PSEN2: variants seen among roughly 807,000 people sequenced by gnomAD.
PSEN2 encodes presenilin-2.
A neutral mutation model predicts 49.1 loss-of-function variants in PSEN2; 32 were observed. The observed-to-expected ratio is 0.65, with a 90% CI of 0.49 to 0.88. The LOEUF (loss-of-function observed/expected upper bound fraction) is 0.88. Among genes scored for constraint, PSEN2 ranks in the 40% least tolerant of loss-of-function variants. The pLI, the probability that PSEN2 is intolerant of heterozygous loss-of-function variation, is 0.00. For missense variants in PSEN2, 522 were observed against 586.9 expected, an observed-to-expected ratio of 0.89 and a Z score of 1.14; for synonymous variants, 255 against 244.0, an observed-to-expected ratio of 1.05 and a Z score of -0.42.
intron 10 of PSEN2, 142 bp from the exon 11 acceptor site, chr1:226,891,601 C>A (rs575395926): frequency 1.1e-5 from 9 of 831,596 alleles, no homozygotes; most frequent in Non-Finnish European, 1.8e-5. Flanking sequence ...GTGGGGGAAG[C>A]CCTGGTGTCA....
chr1:226,899,056 G>T, downstream of PSEN2: 1 of 152,284 alleles, frequency 6.6e-6, no homozygotes. Flanking sequence ...GCAAATGTCT[G>T]GTACATTGTG....
chr1:226,887,528 C>G (rs1244835021), intron 6 of PSEN2, among the ~76,000 whole-genome samples: 1 of 152,170 alleles, frequency 6.6e-6, no homozygotes, highest in Non-Finnish European at 1.5e-5. Context: ...AGGAACAGGT[C>G]TTTCTGAGGA....
At chr1:226,878,171 C>T (rs1660753983) in intron 3 of PSEN2, among the ~76,000 whole-genome samples, 1 of 152,116 alleles carries the variant, frequency 6.6e-6, no homozygotes, top group South Asian at 2.1e-4. Context: ...CCTCCGCCTC[C>T]TGGGTTCAAG....
intron 9 of PSEN2, chr1:226,890,524 G>A (rs1031261308): frequency 9.4e-6 from 3 of 318,686 alleles, no homozygotes; most frequent in Non-Finnish European, 1.2e-5. Context: ...TGACAGCAGC[G>A]TGGCTGATTG....
At position 226,879,195 on chromosome 1, in the gene PSEN2, C is replaced by G. The variant is rs12563525; in HGVS notation, c.-20-2693C>G. Among the ~76,000 whole-genome samples the G allele has an allele frequency of 7.7e-3, 1,177 of 152,272 alleles. 34 individuals are homozygous for G. The East Asian group carries it at 0.088, about 11-fold the overall frequency. ...CCCGGCCCTTCTCCTGCATTTCCAC[C>G]TGATAATTTCTCTCATTTCCATAGA... On this transcript the variant is annotated intron_variant, in intron 3 of 12. Coordinates refer to ENST00000366783, the MANE Select transcript of PSEN2 (RefSeq NM_000447.3).
Position 226,885,673 on chromosome 1 carries a change from C to G in PSEN2, c.492C>G (p.Cys164Trp), listed in dbSNP as rs1163242089. 1 of 1,607,630 alleles carries G rather than the reference C, an allele frequency of 6.2e-7. No individual in the cohort carries two copies. Among genetic ancestry groups the G allele is most frequent in the African/African-American group, 1.3e-5 (1 of 74,894 alleles). Residue 164 changes from cysteine to tryptophan, a missense_variant, in exon 6 of 13, where the codon TGC becomes TGG. By Grantham distance (215) the Cys-to-Trp change is radical. Coordinates refer to ENST00000366783, the MANE Select transcript of PSEN2 (RefSeq NM_000447.3). The stretch of plus-strand genomic sequence containing the variant: ...TGGTGGTGCTCTACAAGTACCGCTG[C>G]TACAAGGTGAGGCCCTGGCCCTGCC... ...IFLVVLYKYR[C>W]YKFIHGWLIM...
At chr1:226,891,722 C>T (rs1272931862) in intron 10 of PSEN2, 21 bp from the exon 11 acceptor site, 1 of 1,594,594 alleles carries the variant, frequency 6.3e-7, no homozygotes, top group African/African-American at 1.3e-5. Flanking sequence ...TGACGGACAT[C>T]TTCTCTTCCT....
chr1:226,880,615 A>C, intron 3 of PSEN2: 1 of 1,605,806 alleles, frequency 6.2e-7, no homozygotes, highest in Non-Finnish European at 8.5e-7. Context: ...GCCTCTGGAC[A>C]GCGATAACTC....
intron 9 of PSEN2, chr1:226,890,898 A>G: frequency 3.7e-6 from 1 of 268,524 alleles, no homozygotes; most frequent in South Asian, 4.8e-5. Context: ...AATCGCCTGC[A>G]GCGTGGCCCC....
At position 226,883,747 on chromosome 1, in the gene PSEN2, C is replaced by A. The variant is rs150400387; in HGVS notation, c.184C>A (p.Arg62Ser). The A allele has an allele frequency of 6.2e-7, 1 of 1,614,006 alleles. No individual in the cohort carries two copies. The highest frequency in any genetic ancestry group is 8.5e-7 in the Non-Finnish European group (1 of 1,180,038). Residue 62 changes from arginine to serine, a missense_variant, in exon 5 of 13, where the codon CGC becomes AGC. Arg to Ser is a moderately radical substitution (Grantham distance 110). Transcript: ENST00000366783. ...GGAGGACGGTGAGGAGGACCCTGAC[C>A]GCTATGTCTGTAGTGGGGTTCCCGG... Reference protein sequence around the residue: ...NEEDGEEDPDRYVCSGVPGRP... With the variant: ...NEEDGEEDPDSYVCSGVPGRP...
At chr1:226,881,765 T>C in intron 3 of PSEN2, 123 bp from the exon 4 acceptor site, 1 of 1,067,594 alleles carries the variant, frequency 9.4e-7, no homozygotes, top group South Asian at 1.3e-5. Context: ...CAGGCATCTC[T>C]TGGAAGCTTT....
chr1:226,901,243 C>T (rs549120557), downstream of PSEN2, among the ~76,000 whole-genome samples: 15 of 152,156 alleles, frequency 9.9e-5, no homozygotes, highest in East Asian at 2.5e-3. Flanking sequence ...CGAGACCAGC[C>T]TGGCCGACAT....
chr1:226,888,710 T>C, intron 7 of PSEN2, 119 bp from the exon 8 acceptor site: 1 of 875,762 alleles, frequency 1.1e-6, no homozygotes, highest in Non-Finnish European at 1.9e-6. Flanking sequence ...GTAAGGACAG[T>C]GAAGGTCGGG....
chr1:226,873,054 G>A (rs1660409519), intron 2 of PSEN2, among the ~76,000 whole-genome samples: 1 of 152,094 alleles, frequency 6.6e-6, no homozygotes, highest in Non-Finnish European at 1.5e-5. Context: ...GCACATGCCT[G>A]TAATCCCAGC....
At chr1:226,903,215 T>C (rs1003631836) in intron 12 of PSEN2, among the ~76,000 whole-genome samples, 2 of 152,152 alleles carry the variant, frequency 1.3e-5, no homozygotes, top group Non-Finnish European at 2.9e-5. Flanking sequence ...CCTGTCTCTG[T>C]TGGTTCTGAA....
downstream of PSEN2, among the ~76,000 whole-genome samples, chr1:226,897,125 T>C (rs766117705): frequency 3.3e-5 from 5 of 152,078 alleles, no homozygotes; most frequent in Non-Finnish European, 7.4e-5. Context: ...ATTGCCGTCA[T>C]GGAAGCCACA....
chr1:226,900,315 G>A (rs911828155), downstream of PSEN2, among the ~76,000 whole-genome samples: 1 of 152,150 alleles, frequency 6.6e-6, no homozygotes, highest in African/African-American at 2.4e-5. Context: ...GAATGCCTGC[G>A]AGTGGCTTAG....
At chr1:226,889,524 C>T (rs998691154) in intron 8 of PSEN2, among the ~76,000 whole-genome samples, 7 of 152,216 alleles carry the variant, frequency 4.6e-5, no homozygotes, top group African/African-American at 1.7e-4. Context: ...ATCGGCCCGC[C>T]TCAGCCTCCC....
chr1:226,887,186 A>C (rs1212787102), intron 6 of PSEN2, among the ~76,000 whole-genome samples: 1 of 152,140 alleles, frequency 6.6e-6, no homozygotes, highest in Non-Finnish European at 1.5e-5. Context: ...CCATCTGTCT[A>C]GTAGGGCTTC....
Sources: allele counts gnomAD v4.1 joint callset (sites outside exome capture counted in the v4.1 genomes callset), GRCh38; gene constraint gnomAD v4.1.1; transcripts MANE v1.5; gene names NCBI Gene and HGNC (gene_info 2026-07-23, HGNC 2026-07-21).